The following UBASH3B variants were observed in gnomAD, a reference collection of about 807,000 sequenced individuals.
The protein encoded by UBASH3B is ubiquitin-associated and SH3 domain-containing protein B.
Under a neutral mutation model 83.4 loss-of-function variants are expected in UBASH3B, and 37 were observed. That is an observed-to-expected ratio of 0.44 (90% CI 0.34 to 0.58). The LOEUF (loss-of-function observed/expected upper bound fraction) is 0.58, where lower values mean the gene tolerates loss of function less well. Among genes scored for constraint, UBASH3B ranks in the 20% least tolerant of loss-of-function variants. The pLI, the probability that UBASH3B is intolerant of heterozygous loss-of-function variation, is 0.01. For missense variants in UBASH3B, 657 were observed against 827.2 expected (o/e 0.79, Z 2.52); for synonymous variants, 304 against 318.3 (o/e 0.96, Z 0.48).
At chr11:122,798,843 G>A in intron 9 of UBASH3B, 99 bp from the exon 10 acceptor site, 1 of 836,118 alleles carries the variant, frequency 1.2e-6, no homozygotes, top group South Asian at 1.6e-5. Flanking sequence ...AGGAAAGAGG[G>A]GTTTACAGGA....
At chr11:122,795,074 A>T (rs1861131655) in intron 7 of UBASH3B, among the ~76,000 whole-genome samples, 1 of 152,202 alleles carries the variant, frequency 6.6e-6, no homozygotes, top group African/African-American at 2.4e-5. Context: ...TTCCACAGAG[A>T]TAGGAGGAGA....
At chr11:122,671,577 C>G (rs1863593223) in intron 1 of UBASH3B, among the ~76,000 whole-genome samples, 1 of 152,232 alleles carries the variant, frequency 6.6e-6, no homozygotes, top group Non-Finnish European at 1.5e-5. Flanking sequence ...TGTCCCCTTG[C>G]TGTCTGGCCG....
At chr11:122,662,972 C>CTTTTTTTTTTTTTT (rs568564848) in intron 1 of UBASH3B, among the ~76,000 whole-genome samples, 3 of 110,588 alleles carry the variant, frequency 2.7e-5, no homozygotes, top group South Asian at 3.0e-4. Context: ...GCGCTAATGT[C>CTTTTTTTTTTTTTT]TTTTTTTTTT....
intron 1 of UBASH3B, among the ~76,000 whole-genome samples, chr11:122,731,097 C>T (rs181041416): frequency 5.3e-5 from 8 of 152,302 alleles, no homozygotes; most frequent in African/African-American, 1.4e-4. Context: ...TGCCTGAAAG[C>T]GCAGAGAGCA....
chr11:122,737,331 G>T (rs1182613912), intron 1 of UBASH3B, among the ~76,000 whole-genome samples: 1 of 152,144 alleles, frequency 6.6e-6, no homozygotes, highest in African/African-American at 2.4e-5. Flanking sequence ...GGGTGATGGG[G>T]CTTAACACAG....
intron 1 of UBASH3B, among the ~76,000 whole-genome samples, chr11:122,690,178 A>ATATATT (rs2135918160): frequency 3.4e-5 from 1 of 29,690 alleles, no homozygotes; most frequent in African/African-American, 9.0e-5. Flanking sequence ...ATATATATAT[A>ATATATT]TATATATATA....
intron 1 of UBASH3B, among the ~76,000 whole-genome samples, chr11:122,751,100 A>T (rs965642708): frequency 1.1e-5 from 1 of 87,470 alleles, no homozygotes; most frequent in African/African-American, 3.1e-5. Flanking sequence ...CATGTTGTTT[A>T]CGCTTCCCGG....
chr11:122,766,464 G>A (rs931751405), intron 1 of UBASH3B, among the ~76,000 whole-genome samples: 2 of 151,778 alleles, frequency 1.3e-5, no homozygotes, highest in Non-Finnish European at 2.9e-5. Context: ...AGAATGGCGT[G>A]AACCCGGGAG....
chr11:122,670,928 A>G (rs1450508506), intron 1 of UBASH3B, among the ~76,000 whole-genome samples: 1 of 151,680 alleles, frequency 6.6e-6, no homozygotes, highest in Non-Finnish European at 1.5e-5. Context: ...ACGCCCGGCT[A>G]ATTTTTGTAT....
chr11:122,679,181 G>T lies in UBASH3B; in HGVS notation c.161+22971G>T, dbSNP rs76499549. 0.011 allele frequency among the ~76,000 whole-genome samples: 1,720 copies of T among 152,306 alleles called. 51 individuals carry two copies. In the East Asian group the frequency reaches 0.13, roughly 12 times the overall value. On this transcript the variant is annotated intron_variant, in intron 1 of 13. Coordinates refer to ENST00000284273, the MANE Select transcript of UBASH3B (RefSeq NM_032873.5). Reference sequence around the variant, plus strand: ...GGAGTTGGGCAACTGGACATGTTGAGGGTGAAGGGGTGGGGCGAGGAGGGG... The same window carrying T: ...GGAGTTGGGCAACTGGACATGTTGATGGTGAAGGGGTGGGGCGAGGAGGGG...
chr11:122,799,302 A>G (rs556923556), intron 10 of UBASH3B, among the ~76,000 whole-genome samples: 1 of 152,254 alleles, frequency 6.6e-6, no homozygotes, highest in South Asian at 2.1e-4. Flanking sequence ...ACCAGCCTCA[A>G]CATGGAGAAA....
At chr11:122,688,650 A>ATT (rs1330201518) in intron 1 of UBASH3B, among the ~76,000 whole-genome samples, 1,491 of 72,598 alleles carry the variant, frequency 0.021, 51 homozygotes, top group African/African-American at 0.054. Flanking sequence ...ATTTTATTTT[A>ATT]TTTTATTTTT....
At chr11:122,676,393 G>C (rs1295203079) in intron 1 of UBASH3B, among the ~76,000 whole-genome samples, 1 of 152,100 alleles carries the variant, frequency 6.6e-6, no homozygotes, top group African/African-American at 2.4e-5. Context: ...ACAAAAATTA[G>C]CTGGACGTGG....
chr11:122,776,046 CAT>C, intron 1 of UBASH3B, 171 bp from the exon 2 acceptor site: 2 of 534,834 alleles, frequency 3.7e-6, no homozygotes, highest in Non-Finnish European at 6.5e-6. Context: ...TCCTAACTTC[CAT>C]ATGTCTTGAT....
intron 1 of UBASH3B, among the ~76,000 whole-genome samples, chr11:122,683,517 A>G (rs1387767105): frequency 6.6e-6 from 1 of 151,790 alleles, no homozygotes; most frequent in African/African-American, 2.4e-5. Context: ...TGGGAGGCTG[A>G]GGCAGGAGAA....
chr11:122,776,653 T>C (rs1307607313), intron 2 of UBASH3B, among the ~76,000 whole-genome samples: 2 of 152,166 alleles, frequency 1.3e-5, no homozygotes, highest in East Asian at 3.9e-4. Context: ...TCTGGGAGCT[T>C]CCCTTGTCTT....
chr11:122,800,694 C>T lies in UBASH3B; in HGVS notation c.1451-494C>T, dbSNP rs577621607. Among the ~76,000 whole-genome samples, 9 of 152,116 alleles carry T rather than the reference C, an allele frequency of 5.9e-5. No homozygotes were observed. The East Asian group carries it at 1.4e-3, about 23-fold the overall frequency. On this transcript the variant is annotated intron_variant, in intron 10 of 13. Transcript: ENST00000284273. The stretch of plus-strand genomic sequence containing the variant: ...CACAATCTTGGCTCACTACAACTTT[C>T]GCCTCCTGGGTTCAAGTGATTCTCC...
chr11:122,783,744 T>G (rs983974114), intron 5 of UBASH3B, among the ~76,000 whole-genome samples: 1 of 152,114 alleles, frequency 6.6e-6, no homozygotes, highest in African/African-American at 2.4e-5. Context: ...TCAAGGAGCT[T>G]TGAGAACAGA....
chr11:122,753,911 A>C (rs1261046994), intron 1 of UBASH3B, among the ~76,000 whole-genome samples: 1 of 152,190 alleles, frequency 6.6e-6, no homozygotes. Context: ...TGAATTCAAT[A>C]AATGCATTCG....
Sources: allele counts gnomAD v4.1 joint callset (sites outside exome capture counted in the v4.1 genomes callset), GRCh38; gene constraint gnomAD v4.1.1; transcripts MANE v1.5; gene names NCBI Gene and HGNC (gene_info 2026-07-23, HGNC 2026-07-21).